The following NEDD4L variants were observed in gnomAD, a reference collection of about 807,000 sequenced individuals.
NEDD4L encodes E3 ubiquitin-protein ligase NEDD4-like.
NEDD4L carries 54 observed loss-of-function variants against 148.9 expected under a neutral mutation model. That is an observed-to-expected ratio of 0.36 (90% CI 0.29 to 0.45). The LOEUF (loss-of-function observed/expected upper bound fraction) is 0.45. Among genes scored for constraint, NEDD4L ranks in the 20% least tolerant of loss-of-function variants. The pLI is 1.00. For synonymous variants in NEDD4L, 433 were observed against 440.7 expected (o/e 0.98, Z 0.22); for missense variants, 856 against 1,233.8 (o/e 0.69, Z 4.59).
intron 16 of NEDD4L, among the ~76,000 whole-genome samples, chr18:58,344,406 T>C (rs2042797050): frequency 6.6e-6 from 1 of 152,198 alleles, no homozygotes; most frequent in Non-Finnish European, 1.5e-5. Context: ...TGGCTTCTGC[T>C]ACCAGGTGCT....
chr18:58,400,854 A>G lies in NEDD4L; in HGVS notation c.*4585A>G, dbSNP rs569405046. ...AGATTGTCACGGTTTCCTTCATGTT[A>G]ACTTTGCGTGACTTTGTTCTTCCTT... is the stretch of plus-strand genomic sequence containing the variant. On this transcript the variant is annotated 3_prime_UTR_variant, in exon 31 of 31. Transcript: ENST00000400345. 1.3e-5 allele frequency: 2 copies of G among 152,276 alleles called. No homozygotes were observed. Among genetic ancestry groups the G allele is most frequent in the South Asian group, 4.1e-4 (2 of 4,828 alleles). The allele number at this position is 152,276 out of a possible 1,614,324, so 9.4% of individuals were successfully genotyped here. A position where few individuals can be genotyped will look rare whatever the true frequency, so the allele number is the denominator to read the frequency against.
At chr18:58,048,030 G>T (rs1022825178) in intron 1 of NEDD4L, among the ~76,000 whole-genome samples, 4 of 152,232 alleles carry the variant, frequency 2.6e-5, no homozygotes, top group South Asian at 4.1e-4. Flanking sequence ...GCATAGAAAT[G>T]AAGGCCAGGC....
intron 6 of NEDD4L, among the ~76,000 whole-genome samples, chr18:58,319,237 C>T (rs2058562107): frequency 6.6e-6 from 1 of 152,144 alleles, no homozygotes; most frequent in Non-Finnish European, 1.5e-5. Context: ...CAGCAATAAG[C>T]AGGTCATTGG....
At chr18:58,335,318 G>C (rs1410600859) in intron 12 of NEDD4L, among the ~76,000 whole-genome samples, 160 bp from the exon 13 acceptor site, 4 of 152,208 alleles carry the variant, frequency 2.6e-5, no homozygotes, top group African/African-American at 7.2e-5. Flanking sequence ...TTGTGCTACT[G>C]GTCATCAGCG....
chr18:58,227,796 A>T, intron 2 of NEDD4L: 5 of 763,432 alleles, frequency 6.5e-6, no homozygotes, highest in Non-Finnish European at 7.9e-6. Flanking sequence ...CTCTTGTTCA[A>T]ACTCCCTAAG....
intron 5 of NEDD4L, among the ~76,000 whole-genome samples, chr18:58,284,498 T>C (rs979543388): frequency 3.9e-5 from 6 of 152,206 alleles, no homozygotes; most frequent in Admixed American, 2.6e-4. Flanking sequence ...AGATACAGTT[T>C]TTGTGAGACA....
intron 11 of NEDD4L, 26 bp from the exon 12 acceptor site, chr18:58,333,792 C>T: frequency 1.3e-6 from 2 of 1,573,710 alleles, no homozygotes; most frequent in Non-Finnish European, 1.7e-6. Context: ...TTTCTTGATG[C>T]TTCCTGTCTT....
chr18:58,255,402 TG>T, intron 5 of NEDD4L: 1 of 813,178 alleles, frequency 1.2e-6, no homozygotes, highest in Non-Finnish European at 1.6e-6. Context: ...CATGTGGTTC[TG>T]GCCACCCTAC....
intron 10 of NEDD4L, 109 bp downstream of exon 10, chr18:58,329,236 A>G (rs915137591): frequency 3.9e-5 from 49 of 1,269,438 alleles, no homozygotes; most frequent in Non-Finnish European, 5.4e-5. Flanking sequence ...TTGAGAATGT[A>G]AAGATTACAG....
At chr18:58,266,611 A>T (rs1328884403) in intron 5 of NEDD4L, among the ~76,000 whole-genome samples, 1 of 152,144 alleles carries the variant, frequency 6.6e-6, no homozygotes, top group Non-Finnish European at 1.5e-5. Flanking sequence ...AAACGGATTA[A>T]CAAGAAAGAC....
chr18:58,251,482 C>T (rs1276537791), intron 4 of NEDD4L, among the ~76,000 whole-genome samples: 1 of 152,058 alleles, frequency 6.6e-6, no homozygotes, highest in African/African-American at 2.4e-5. Flanking sequence ...CCACTGCAGT[C>T]CAGCCTGGGC....
intron 1 of NEDD4L, among the ~76,000 whole-genome samples, chr18:58,054,304 C>T (rs181457822): frequency 4.6e-4 from 70 of 152,338 alleles, no homozygotes; most frequent in Middle Eastern, 3.4e-3. Context: ...TGTGGAGAAT[C>T]TTCTGCTTTC....
Position 58,323,713 on chromosome 18 carries a change from C to G in NEDD4L, c.513+379C>G, listed in dbSNP as rs191397370. 1.2e-3 allele frequency among the ~76,000 whole-genome samples: 189 copies of G among 152,322 alleles called. 1 individual carries two copies. Among genetic ancestry groups the G allele is most frequent in the African/African-American group, 4.3e-3 (177 of 41,568 alleles). Reference sequence around the variant, plus strand: ...AAGTGGGTGGAGGAATTTAGAAAATCACTTTTTTTTCAAGTTTCTTACTCA... The same window carrying G: ...AAGTGGGTGGAGGAATTTAGAAAATGACTTTTTTTTCAAGTTTCTTACTCA... On this transcript the variant is annotated intron_variant, in intron 8 of 30. Coordinates refer to ENST00000400345, the MANE Select transcript of NEDD4L (RefSeq NM_001144967.3).
At chr18:58,249,733 C>G (rs1394753966) in intron 4 of NEDD4L, among the ~76,000 whole-genome samples, 1 of 152,224 alleles carries the variant, frequency 6.6e-6, no homozygotes, top group Admixed American at 6.5e-5. Flanking sequence ...TGCCATGAGG[C>G]CCATTATAAT....
intron 1 of NEDD4L, chr18:58,054,759 G>A (rs1465122137): frequency 1.3e-5 from 2 of 152,194 alleles, no homozygotes; most frequent in African/African-American, 4.8e-5. Flanking sequence ...CTCCTCACTT[G>A]TTAACACCAG....
intron 17 of NEDD4L, among the ~76,000 whole-genome samples, chr18:58,350,587 G>A (rs1018123411): frequency 6.6e-5 from 10 of 152,166 alleles, no homozygotes; most frequent in Non-Finnish European, 1.3e-4. Context: ...ATCATCAACT[G>A]CCTGGACAAC....
At chr18:58,263,974 A>G (rs1277377346) in intron 5 of NEDD4L, among the ~76,000 whole-genome samples, 1 of 150,316 alleles carries the variant, frequency 6.7e-6, no homozygotes, top group Non-Finnish European at 1.5e-5. Context: ...GGCTTCTTTT[A>G]TATGGTCTTC....
chr18:58,214,870 G>A (rs949856769), intron 2 of NEDD4L, among the ~76,000 whole-genome samples: 18 of 148,986 alleles, frequency 1.2e-4, no homozygotes, highest in African/African-American at 4.0e-4. Context: ...GGAGTGCAGC[G>A]ATGCCATCTC....
At chr18:58,289,190 TACGCTG>T (rs2054347060) in intron 5 of NEDD4L, among the ~76,000 whole-genome samples, 1 of 152,232 alleles carries the variant, frequency 6.6e-6, no homozygotes, top group East Asian at 1.9e-4. Flanking sequence ...GTTTACTGTA[TACGCTG>T]TGTACAAATT....
Sources: gnomAD v4.1 joint callset for allele counts (sites outside exome capture counted in the v4.1 genomes callset) on GRCh38, gnomAD v4.1.1 for gene constraint, MANE v1.5 for transcripts, NCBI Gene and HGNC (gene_info 2026-07-23, HGNC 2026-07-21) for gene names.